CD44: variants seen among roughly 807,000 people sequenced by gnomAD.
The protein encoded by CD44 is CD44 antigen.
A neutral mutation model predicts 88.8 loss-of-function variants in CD44; 49 were observed. That is an observed-to-expected ratio of 0.55 (90% CI 0.44 to 0.70). The LOEUF (loss-of-function observed/expected upper bound fraction) is 0.70. CD44 is among the 30% of genes least tolerant of loss of function. CD44 has a pLI of 0.00. For synonymous variants in CD44, 325 were observed against 312.3 expected, an observed-to-expected ratio of 1.04 and a Z score of -0.43; for missense variants, 883 against 913.8, an observed-to-expected ratio of 0.97 and a Z score of 0.43.
chr11:35,144,090 C>T lies in CD44; in HGVS notation c.67+4720C>T, dbSNP rs571303964. Among the ~76,000 whole-genome samples, 107 of 152,288 alleles carry T rather than the reference C, an allele frequency of 7.0e-4. 1 individual carries two copies. The highest frequency in any genetic ancestry group is 3.4e-3 in the Middle Eastern group (1 of 294). ...GTGTGTGGCTCTAGGTGACATGTGG[C>T]CACCCAAGTGAGGTTTCGGATCCAC... On this transcript the variant is annotated intron_variant, in intron 1 of 17. Coordinates refer to ENST00000428726, the MANE Select transcript of CD44 (RefSeq NM_000610.4).
At chr11:35,199,934 G>GTTTTTTTTTTTTTTTTT (rs60509735) in intron 7 of CD44, among the ~76,000 whole-genome samples, 2 of 90,882 alleles carry the variant, frequency 2.2e-5, no homozygotes, top group African/African-American at 4.4e-5. Context: ...CCATGGTGTT[G>GTTTTTTTTTTTTTTTTT]TTTTTTTTTT....
At chr11:35,171,974 G>A (rs1277577650) in intron 1 of CD44, among the ~76,000 whole-genome samples, 3 of 151,948 alleles carry the variant, frequency 2.0e-5, no homozygotes, top group African/African-American at 4.9e-5. Context: ...ATGTCATGAT[G>A]GAGGAAGACT....
At chr11:35,189,733 C>A (rs939612277) in intron 4 of CD44, 102 bp from the exon 5 acceptor site, 73 of 788,852 alleles carry the variant, frequency 9.3e-5, no homozygotes, top group Non-Finnish European at 1.5e-4. Flanking sequence ...AGGTGTTTCT[C>A]ATTACAAAGG....
chr11:35,158,174 C>T (rs988525317), intron 1 of CD44, among the ~76,000 whole-genome samples: 5 of 152,224 alleles, frequency 3.3e-5, no homozygotes, highest in Admixed American at 2.6e-4. Context: ...CTGGGAGACA[C>T]TCAGAAATAA....
chr11:35,154,421 G>A (rs943804128), intron 1 of CD44, among the ~76,000 whole-genome samples: 5 of 152,174 alleles, frequency 3.3e-5, no homozygotes, highest in Admixed American at 3.3e-4. Context: ...GGAGACAAGA[G>A]TAGACTTTTT....
At chr11:35,190,108 G>A (rs1772684147) in intron 5 of CD44, 43 bp downstream of exon 5, 1 of 1,528,872 alleles carries the variant, frequency 6.5e-7, no homozygotes, top group Non-Finnish European at 9.1e-7. Context: ...GCAATTCCCT[G>A]GCAAAATGTC....
At chr11:35,154,057 G>A (rs1358319618) in intron 1 of CD44, among the ~76,000 whole-genome samples, 1 of 152,180 alleles carries the variant, frequency 6.6e-6, no homozygotes, top group Non-Finnish European at 1.5e-5. Context: ...CACACATTTG[G>A]GGAGAAGGGA....
At chr11:35,155,585 G>A (rs561692143) in intron 1 of CD44, among the ~76,000 whole-genome samples, 24 of 152,314 alleles carry the variant, frequency 1.6e-4, no homozygotes, top group African/African-American at 4.3e-4. Context: ...TTCTACAAAA[G>A]AGAATTATAT....
At chr11:35,154,664 T>C (rs553377809) in intron 1 of CD44, among the ~76,000 whole-genome samples, 3 of 152,330 alleles carry the variant, frequency 2.0e-5, no homozygotes, top group East Asian at 1.9e-4. Flanking sequence ...ATTGGCTTTA[T>C]TGGGCAGGAG....
At chr11:35,176,862 C>T (rs1944515554) in intron 2 of CD44, 122 bp downstream of exon 2, 9 of 933,940 alleles carry the variant, frequency 9.6e-6, no homozygotes, top group Non-Finnish European at 1.4e-5. Flanking sequence ...GTCAACCCCA[C>T]GTATTAATTT....
At chr11:35,173,552 T>TC (rs5791037) in intron 1 of CD44, among the ~76,000 whole-genome samples, 10,363 of 152,080 alleles carry the variant, frequency 0.068, 420 homozygotes, top group South Asian at 0.2. Flanking sequence ...GTTGTTATTT[T>TC]CCCCCCATGT....
rs372590962 is a variant in CD44, at chr11:35,213,402, A to C, written c.1811-1450A>C. Among the ~76,000 whole-genome samples, 19 of 152,300 alleles carry C rather than the reference A, an allele frequency of 1.2e-4. No individual in the cohort carries two copies. The East Asian group carries it at 2.7e-3, about 22-fold the overall frequency. On this transcript the variant is annotated intron_variant, in intron 14 of 17. Transcript: ENST00000428726. Reference sequence around the variant, plus strand: ...TCAGTCTTTACGCTTAATGTTAAGAACTAAAGCATTTGTTGAAGCAAGCGG... The same window carrying C: ...TCAGTCTTTACGCTTAATGTTAAGACCTAAAGCATTTGTTGAAGCAAGCGG...
At chr11:35,201,323 T>G (rs1947299063) in intron 8 of CD44, 128 bp downstream of exon 8, 1 of 707,622 alleles carries the variant, frequency 1.4e-6, no homozygotes, top group South Asian at 1.6e-5. Flanking sequence ...TAGTGGACTT[T>G]TATGAGGATA....
chr11:35,182,407 A>G (rs1468362969), intron 3 of CD44, among the ~76,000 whole-genome samples: 1 of 152,100 alleles, frequency 6.6e-6, no homozygotes, highest in East Asian at 1.9e-4. Flanking sequence ...CAGGTCACTG[A>G]ATCTATCGAG....
chr11:35,206,099 T>C lies in CD44; in HGVS notation c.1283-13T>C, dbSNP rs1947812003. On this transcript the variant is annotated splice_polypyrimidine_tract_variant and intron_variant, in intron 10 of 17. Coordinates refer to ENST00000428726, the MANE Select transcript of CD44 (RefSeq NM_000610.4). ...TTAACACTTTGACAATTGCTCAAAC[T>C]GCATGGTCACAGCAGCCTCAGCTCA... 6.3e-7 allele frequency: 1 copy of C among 1,591,302 alleles called. No homozygotes were observed. The highest frequency in any genetic ancestry group is 8.5e-7 in the Non-Finnish European group (1 of 1,171,718).
chr11:35,164,469 G>A (rs1468415183), intron 1 of CD44, among the ~76,000 whole-genome samples: 1 of 152,336 alleles, frequency 6.6e-6, no homozygotes, highest in East Asian at 1.9e-4. Flanking sequence ...GATGCTAAAA[G>A]AGGCAAGAGG....
At chr11:35,156,977 T>C (rs1941949359) in intron 1 of CD44, among the ~76,000 whole-genome samples, 1 of 152,168 alleles carries the variant, frequency 6.6e-6, no homozygotes, top group Non-Finnish European at 1.5e-5. Context: ...GAGGTTACAC[T>C]GAGCTAAGAT....
intron 1 of CD44, among the ~76,000 whole-genome samples, chr11:35,145,013 G>A (rs1440990843): frequency 1.3e-5 from 2 of 152,186 alleles, no homozygotes; most frequent in African/African-American, 4.8e-5. Context: ...TTTGATTCTT[G>A]TTTGCTGGAT....
intron 16 of CD44, 91 bp from the exon 17 acceptor site, chr11:35,221,563 T>G (rs756169367): frequency 9.3e-7 from 1 of 1,078,282 alleles, no homozygotes; most frequent in Non-Finnish European, 1.4e-6. Flanking sequence ...CTGTGGTGCT[T>G]GTTTCAACTA....
Sources: gnomAD v4.1 joint callset for allele counts (sites outside exome capture counted in the v4.1 genomes callset) on GRCh38, gnomAD v4.1.1 for gene constraint, MANE v1.5 for transcripts, NCBI Gene and HGNC (gene_info 2026-07-23, HGNC 2026-07-21) for gene names.